HEATR5A: variants seen among roughly 807,000 people sequenced by gnomAD.
HEATR5A encodes the protein HEAT repeat containing 5A.
In HEATR5A, 178 loss-of-function variants were observed where a neutral mutation model predicts 218.8. The observed-to-expected ratio is 0.81, with a 90% CI of 0.72 to 0.92. The LOEUF (loss-of-function observed/expected upper bound fraction) is 0.92, where lower values mean the gene tolerates loss of function less well. Among genes scored for constraint, HEATR5A ranks in the 40% least tolerant of loss-of-function variants. HEATR5A has a pLI of 0.00. For missense variants in HEATR5A, 2,420 were observed against 2,418.9 expected (o/e 1.00, Z -0.01); for synonymous variants, 864 against 871.6 (o/e 0.99, Z 0.15).
chr14:31,353,102 A>T (rs939818844), intron 16 of HEATR5A, among the ~76,000 whole-genome samples: 3 of 148,650 alleles, frequency 2.0e-5, no homozygotes, highest in Non-Finnish European at 4.5e-5. Flanking sequence ...AAAGCACATT[A>T]AAAAAAAAAT....
intron 35 of HEATR5A, 43 bp downstream of exon 35, chr14:31,293,848 G>C: frequency 6.8e-7 from 1 of 1,475,632 alleles, no homozygotes; most frequent in South Asian, 1.2e-5. Flanking sequence ...GTAAAATTCT[G>C]ATTTTTGTTG....
At chr14:31,318,538 T>C (rs1207801514) in intron 25 of HEATR5A, among the ~76,000 whole-genome samples, 1 of 152,200 alleles carries the variant, frequency 6.6e-6, no homozygotes, top group Non-Finnish European at 1.5e-5. Context: ...CCAGGCAGGC[T>C]GGAGTGCAGT....
chr14:31,383,736 G>A lies in HEATR5A; in HGVS notation c.1381C>T (p.Pro461Ser). Residue 461 changes from proline (P) to serine (S), a missense_variant, in exon 10 of 36, where the codon CCT (proline) becomes TCT (serine). Coordinates refer to ENST00000543095, the MANE Select transcript of HEATR5A (RefSeq NM_015473.4). ...LDSILSVILHPSISVRLAAAW... is the reference protein window; with the variant it reads ...LDSILSVILHSSISVRLAAAW... ...GCTGCTAGTCGAACAGAAATGCTAGGATGAAGAATAACTGACAAGATACTG... is the reference window on the plus strand; with the variant it reads ...GCTGCTAGTCGAACAGAAATGCTAGAATGAAGAATAACTGACAAGATACTG... The A allele has an allele frequency of 1.2e-6, 2 of 1,613,490 alleles. No homozygotes were observed. Among genetic ancestry groups the A allele is most frequent in the South Asian group, 2.2e-5 (2 of 91,078 alleles).
At chr14:31,397,943 A>G (rs1429537874) in intron 4 of HEATR5A, among the ~76,000 whole-genome samples, 1 of 152,168 alleles carries the variant, frequency 6.6e-6, no homozygotes, top group Non-Finnish European at 1.5e-5. Flanking sequence ...GCGAACTACC[A>G]TGTCCATGTT....
At chr14:31,379,680 T>C (rs552519737) in intron 11 of HEATR5A, among the ~76,000 whole-genome samples, 9 of 152,310 alleles carry the variant, frequency 5.9e-5, no homozygotes, top group Admixed American at 3.3e-4. Flanking sequence ...AATAAAGTTT[T>C]CAGTGGCTCA....
At chr14:31,385,554 C>T (rs1483161982) in intron 9 of HEATR5A, among the ~76,000 whole-genome samples, 1 of 151,998 alleles carries the variant, frequency 6.6e-6, no homozygotes, top group Non-Finnish European at 1.5e-5. Context: ...AAAGTAAATT[C>T]ATGGTCGTCA....
At chr14:31,410,208 C>T (rs971272906) in intron 1 of HEATR5A, among the ~76,000 whole-genome samples, 8 of 152,156 alleles carry the variant, frequency 5.3e-5, no homozygotes, top group African/African-American at 1.9e-4. Context: ...TTTTCTTTGA[C>T]TTTTACTTCT....
intron 23 of HEATR5A, among the ~76,000 whole-genome samples, chr14:31,325,025 A>T (rs1900219532): frequency 6.6e-6 from 1 of 152,218 alleles, no homozygotes; most frequent in Admixed American, 6.5e-5. Flanking sequence ...AGTTGGGAGC[A>T]CTGAAGTACA....
rs1460647508 is a variant in HEATR5A at position 31,402,905 on chromosome 14, T to G, written c.71A>C (p.Glu24Ala). The G allele has an allele frequency of 6.5e-7, 1 of 1,536,356 alleles. No individual in the cohort carries two copies. Among genetic ancestry groups the G allele is most frequent in the Non-Finnish European group, 8.7e-7 (1 of 1,146,940 alleles). ...GTATCTCAACCACTCAAAAATAAAC[T>G]CTGCCTTCTGAACTTCACCTAGTTG... ...YNQLGEVQKA[E>A]FIFEWLRYLE... is the part of the protein sequence containing the mutation. The change falls in exon 2 of 36, where the codon GAG becomes GCG. Residue 24 changes from glutamate (E) to alanine (A), a missense_variant. By Grantham distance (107) the Glu-to-Ala change is moderately radical. Transcript: ENST00000543095.
At chr14:31,327,286 C>CTTTTTTTTT (rs71951930) in intron 22 of HEATR5A, among the ~76,000 whole-genome samples, 1 of 45,158 alleles carries the variant, frequency 2.2e-5, no homozygotes, top group Admixed American at 3.7e-4. Flanking sequence ...TCCAGTGGCA[C>CTTTTTTTTT]TTTTTTTTTT....
Position 31,326,360 on chromosome 14 carries a change from A to AATT in HEATR5A, c.3368-21_3368-19dup. 1 of 1,592,522 alleles carries AATT rather than the reference A, an allele frequency of 6.3e-7. No homozygotes were observed. Among genetic ancestry groups the AATT allele is most frequent in the Non-Finnish European group, 8.6e-7 (1 of 1,167,538 alleles). ...GTTAGCATCTGACAAGAAGAAAATC[A>AATT]ATTATCTAAGTAATACAGAAAACAA... is the stretch of plus-strand genomic sequence containing the variant. On this transcript the variant is annotated intron_variant, in intron 22 of 35. Transcript: ENST00000543095.
At chr14:31,304,025 C>A (rs1899474363) in intron 32 of HEATR5A, among the ~76,000 whole-genome samples, 1 of 151,752 alleles carries the variant, frequency 6.6e-6, no homozygotes, top group African/African-American at 2.4e-5. Flanking sequence ...GGCAACACAG[C>A]AAGACCCCAT....
At chr14:31,312,105 T>C (rs189410731) in intron 28 of HEATR5A, among the ~76,000 whole-genome samples, 192 of 152,294 alleles carry the variant, frequency 1.3e-3, no homozygotes, top group Non-Finnish European at 2.4e-3. Flanking sequence ...GTAGGCTGTT[T>C]ACAGTAAGTA....
intron 20 of HEATR5A, 120 bp from the exon 21 acceptor site, chr14:31,344,185 T>C (rs899335578): frequency 1.1e-5 from 5 of 468,568 alleles, no homozygotes; most frequent in African/African-American, 2.0e-5. Flanking sequence ...TTTTAAAATT[T>C]ACAGTCACTA....
intron 19 of HEATR5A, among the ~76,000 whole-genome samples, chr14:31,347,363 C>T (rs535301134): frequency 6.6e-6 from 1 of 152,260 alleles, no homozygotes; most frequent in East Asian, 1.9e-4. Flanking sequence ...AGATGCATAC[C>T]ATCATGCCCG....
chr14:31,295,421 A>AT (rs1047581336), intron 34 of HEATR5A: 1 of 152,114 alleles, frequency 6.6e-6, no homozygotes, highest in South Asian at 2.1e-4. Flanking sequence ...TAATTTTTGT[A>AT]TTTTTTGTAG....
At chr14:31,412,835 T>C (rs1317463578) in intron 1 of HEATR5A, among the ~76,000 whole-genome samples, 3 of 152,230 alleles carry the variant, frequency 2.0e-5, no homozygotes, top group South Asian at 4.1e-4. Context: ...GATGAGGCCA[T>C]TGCACTCCAG....
chr14:31,350,278 A>G (rs542718565), intron 17 of HEATR5A, among the ~76,000 whole-genome samples: 2 of 152,308 alleles, frequency 1.3e-5, no homozygotes, highest in South Asian at 2.1e-4. Context: ...AATGAAGTCT[A>G]TTATATTTTA....
At chr14:31,315,543 C>T (rs1460439735) in intron 27 of HEATR5A, among the ~76,000 whole-genome samples, 1 of 152,172 alleles carries the variant, frequency 6.6e-6, no homozygotes. Context: ...GTCTCTCTGG[C>T]TCATAAGTAG....
Sources: gnomAD v4.1 joint callset for allele counts (sites outside exome capture counted in the v4.1 genomes callset) on GRCh38, gnomAD v4.1.1 for gene constraint, MANE v1.5 for transcripts, NCBI Gene and HGNC (gene_info 2026-07-23, HGNC 2026-07-21) for gene names.